FAAH2: variants seen among roughly 807,000 people sequenced by gnomAD.
The protein encoded by FAAH2 is fatty acid amide hydrolase 2.
FAAH2 carries 60 observed loss-of-function variants against 36.9 expected under a neutral mutation model. That is an observed-to-expected ratio of 1.63 (90% CI 1.32 to 2.02). The LOEUF (loss-of-function observed/expected upper bound fraction) is 2.02. FAAH2 is among the 30% of genes most tolerant of loss of function. The pLI is 0.00. For synonymous variants in FAAH2, 214 were observed against 143.8 expected, an observed-to-expected ratio of 1.49 and a Z score of -3.49; for missense variants, 689 against 397.5, an observed-to-expected ratio of 1.73 and a Z score of -6.23.
At chrX:57,221,327 G>A in the FAAH2 span, among the ~76,000 whole-genome samples, 4 of 110,965 alleles carry the variant, frequency 3.6e-5, no homozygotes, top group Non-Finnish European at 7.5e-5. Context: ...ACCTTAAAAC[G>A]TGCAACTTTT....
chrX:57,285,784 G>T (rs1319345181), upstream of FAAH2, among the ~76,000 whole-genome samples: 1 of 112,036 alleles, frequency 8.9e-6, no homozygotes, highest in African/African-American at 3.2e-5. Context: ...GATGGGTCTT[G>T]AATCTGTGGA....
the FAAH2 span, among the ~76,000 whole-genome samples, chrX:57,129,511 A>G: frequency 1.8e-5 from 2 of 112,523 alleles, no homozygotes; most frequent in African/African-American, 6.4e-5. Context: ...CAATTTATGT[A>G]AATACATAAT....
chrX:57,149,250 A>G, the FAAH2 span, among the ~76,000 whole-genome samples: 1 of 111,546 alleles, frequency 9.0e-6, no homozygotes, highest in Non-Finnish European at 1.9e-5. Context: ...CGGCTTTGGT[A>G]TCAGGATGAT....
chrX:57,130,803 T>G, the FAAH2 span, among the ~76,000 whole-genome samples: 1 of 112,046 alleles, frequency 8.9e-6, no homozygotes, highest in Non-Finnish European at 1.9e-5. Context: ...TTATCTCAGA[T>G]GCCTCCAAAA....
chrX:57,147,736 C>A, the FAAH2 span, among the ~76,000 whole-genome samples: 4 of 111,391 alleles, frequency 3.6e-5, no homozygotes, highest in East Asian at 1.1e-3. Flanking sequence ...TTGCTGTATC[C>A]CAGAAATTTA....
chrX:57,249,667 T>G, the FAAH2 span, among the ~76,000 whole-genome samples: 17 of 112,402 alleles, frequency 1.5e-4, no homozygotes, highest in South Asian at 6.3e-3. Context: ...TTTCCCAGTC[T>G]GTCTGTAACT....
intron 2 of FAAH2, among the ~76,000 whole-genome samples, chrX:57,308,040 AC>A (rs1274096225): frequency 8.9e-6 from 1 of 111,807 alleles, no homozygotes; most frequent in African/African-American, 3.3e-5. Flanking sequence ...TATCCAATCC[AC>A]CATTGATGGG....
rs368166610 is a variant in FAAH2, at chrX:57,335,352, G to A, written c.622+3545G>A. Among the ~76,000 whole-genome samples the A allele has an allele frequency of 2.1e-4, 23 of 112,012 alleles. No individual in the cohort carries two copies. The East Asian group carries it at 5.7e-3, about 28-fold the overall frequency. ...TATTGATCATTATCCAGCGTTTCCCGGAGAGGGGGATGTGGCAGGACAATA... is the reference window on the plus strand; with the variant it reads ...TATTGATCATTATCCAGCGTTTCCCAGAGAGGGGGATGTGGCAGGACAATA... On this transcript the variant is annotated intron_variant, in intron 4 of 10. Coordinates refer to ENST00000374900, the MANE Select transcript of FAAH2 (RefSeq NM_174912.4).
chrX:57,404,955 A>G (rs2055529974), intron 7 of FAAH2, among the ~76,000 whole-genome samples: 1 of 111,744 alleles, frequency 8.9e-6, no homozygotes, highest in South Asian at 3.8e-4. Context: ...AGAAAAATTG[A>G]AAGCAGAAGC....
At chrX:57,393,918 G>A (rs2055228363) in intron 7 of FAAH2, 7 of 1,007,836 alleles carry the variant, frequency 6.9e-6, no homozygotes, top group Middle Eastern at 2.6e-4. Flanking sequence ...TCATCTGTCA[G>A]TGTGGTAGAG....
chrX:57,133,550 A>C, the FAAH2 span, among the ~76,000 whole-genome samples: 1 of 110,934 alleles, frequency 9.0e-6, no homozygotes, highest in Non-Finnish European at 1.9e-5. Flanking sequence ...ACTGAGACCT[A>C]CCTAAGGCCC....
chrX:57,371,647 G>A (rs1362858691), intron 5 of FAAH2, among the ~76,000 whole-genome samples: 1 of 97,011 alleles, frequency 1.0e-5, no homozygotes, highest in African/African-American at 3.5e-5. Context: ...TGGGGGGGGG[G>A]TTACTTTCAA....
At chrX:57,300,145 C>T (rs1412772866) in intron 2 of FAAH2, among the ~76,000 whole-genome samples, 22 of 111,348 alleles carry the variant, frequency 2.0e-4, no homozygotes, top group African/African-American at 6.9e-4. Flanking sequence ...GCCCGCATTG[C>T]CAAGTCAATC....
chrX:57,340,913 G>A (rs1333714464), intron 4 of FAAH2, among the ~76,000 whole-genome samples: 1 of 110,133 alleles, frequency 9.1e-6, no homozygotes, highest in Non-Finnish European at 1.9e-5. Context: ...TACCTGTGTA[G>A]CAAACCTGCA....
At chrX:57,324,544 G>A (rs2053148179) in intron 3 of FAAH2, among the ~76,000 whole-genome samples, 1 of 111,759 alleles carries the variant, frequency 8.9e-6, no homozygotes, top group Non-Finnish European at 1.9e-5. Flanking sequence ...TCTCCTTGAA[G>A]AGGTCCTTCA....
chrX:57,143,323 G>A, the FAAH2 span, among the ~76,000 whole-genome samples: 2 of 110,403 alleles, frequency 1.8e-5, no homozygotes, highest in African/African-American at 3.3e-5. Context: ...CTATTCTAAC[G>A]AATTGCTTTA....
At chrX:57,371,381 A>G (rs2054546433) in intron 5 of FAAH2, among the ~76,000 whole-genome samples, 1 of 111,782 alleles carries the variant, frequency 8.9e-6, no homozygotes, top group African/African-American at 3.2e-5. Flanking sequence ...TTTGCTTAGG[A>G]TATTGGCCTC....
At chrX:57,282,227 A>C (rs1438934430), upstream of FAAH2, among the ~76,000 whole-genome samples, 1 of 111,930 alleles carries the variant, frequency 8.9e-6, no homozygotes, top group Non-Finnish European at 1.9e-5. Context: ...CCTCACCAGC[A>C]TGTGTTAGTT....
At chrX:57,208,948 T>A in the FAAH2 span, among the ~76,000 whole-genome samples, 2 of 111,690 alleles carry the variant, frequency 1.8e-5, no homozygotes, top group Non-Finnish European at 3.8e-5. Flanking sequence ...ACCTTCAGCG[T>A]GGGTGTCATG....
Sources: allele counts gnomAD v4.1 joint callset (sites outside exome capture counted in the v4.1 genomes callset), GRCh38; gene constraint gnomAD v4.1.1; transcripts MANE v1.5; gene names NCBI Gene and HGNC (gene_info 2026-07-23, HGNC 2026-07-21).